Variants in STRIP2 observed in about 807,000 individuals in gnomAD.
STRIP2 encodes striatin interacting protein 2.
Under a neutral mutation model 107.1 loss-of-function variants are expected in STRIP2, and 84 were observed. The observed-to-expected ratio is 0.78, with a 90% CI of 0.66 to 0.94. The LOEUF is 0.94. Among genes scored for constraint, STRIP2 ranks in the 40% least tolerant of loss-of-function variants. STRIP2 has a pLI of 0.00. For synonymous variants in STRIP2, 394 were observed against 400.4 expected (o/e 0.98, Z 0.19); for missense variants, 888 against 1,034.2 (o/e 0.86, Z 1.94).
At chr7:129,480,073 A>G (rs1435859249) in intron 18 of STRIP2, among the ~76,000 whole-genome samples, 1 of 152,206 alleles carries the variant, frequency 6.6e-6, no homozygotes, top group Admixed American at 6.5e-5. Context: ...TCATTGAGTT[A>G]TATAGCTTCT....
Position 129,434,479 on chromosome 7 carries a change from G to C in STRIP2, c.7G>C (p.Asp3His). Residue 3 changes from aspartate to histidine, a missense_variant, in exon 1 of 21, where the codon GAC (aspartate) becomes CAC (histidine). By Grantham distance (81) the Asp-to-His change is moderately conservative. Transcript: ENST00000249344. ...GGAGCCGCTGACCAGCAGCATGGAGGACCCCGCCGCGCCTGGGACCGGGGG... is the reference window on the plus strand; with the variant it reads ...GGAGCCGCTGACCAGCAGCATGGAGCACCCCGCCGCGCCTGGGACCGGGGG... ME[D>H]PAAPGTGGPP... The C allele has an allele frequency of 6.6e-7, 1 of 1,513,430 alleles. No homozygotes were observed. Among genetic ancestry groups the C allele is most frequent in the Non-Finnish European group, 8.8e-7 (1 of 1,137,472 alleles). The allele number at this position is 1,513,430 out of a possible 1,614,324, so 93.8% of individuals were successfully genotyped here.
At chr7:129,445,492 C>T (rs1324754452) in intron 3 of STRIP2, among the ~76,000 whole-genome samples, 1 of 151,990 alleles carries the variant, frequency 6.6e-6, no homozygotes, top group Non-Finnish European at 1.5e-5. Flanking sequence ...GCTACTAGAT[C>T]ACTAGGGGTG....
At chr7:129,448,053 G>A (rs946117801) in intron 3 of STRIP2, among the ~76,000 whole-genome samples, 7 of 152,144 alleles carry the variant, frequency 4.6e-5, no homozygotes, top group Admixed American at 1.3e-4. Context: ...TCCCACCATA[G>A]TAACGCTCAC....
intron 19 of STRIP2, among the ~76,000 whole-genome samples, chr7:129,482,215 TA>T (rs1444794483): frequency 6.6e-6 from 1 of 151,464 alleles, no homozygotes; most frequent in East Asian, 1.9e-4. Context: ...CTCCAGAAAA[TA>T]AACAAAAATA....
At chr7:129,464,947 C>T in intron 16 of STRIP2, among the ~76,000 whole-genome samples, 1 of 151,930 alleles carries the variant, frequency 6.6e-6, no homozygotes, top group Non-Finnish European at 1.5e-5. Context: ...TGTCTGTGTC[C>T]CTTGTAAGTT....
intron 20 of STRIP2, among the ~76,000 whole-genome samples, chr7:129,485,015 T>C (rs1799210517): frequency 6.6e-6 from 1 of 152,174 alleles, no homozygotes; most frequent in Non-Finnish European, 1.5e-5. Context: ...AGCTGACATA[T>C]AGATTTATCA....
chr7:129,439,894 C>T, intron 1 of STRIP2, 128 bp from the exon 2 acceptor site: 1 of 735,180 alleles, frequency 1.4e-6, no homozygotes, highest in Non-Finnish European at 2.4e-6. Flanking sequence ...AAATAGGACT[C>T]TCCTAACTGT....
intron 18 of STRIP2, among the ~76,000 whole-genome samples, chr7:129,478,804 T>A (rs909197731): frequency 6.6e-6 from 1 of 152,188 alleles, no homozygotes; most frequent in Admixed American, 6.5e-5. Context: ...TATTCTGGTA[T>A]CTATTCCAAT....
At chr7:129,469,569 A>G (rs73477306) in intron 17 of STRIP2, among the ~76,000 whole-genome samples, 1,940 of 152,334 alleles carry the variant, frequency 0.013, 35 homozygotes, top group African/African-American at 0.043. Flanking sequence ...GGAGCAGTAC[A>G]GAACTGGCAA....
At chr7:129,481,997 A>G (rs938869493) in intron 19 of STRIP2, among the ~76,000 whole-genome samples, 8 of 151,682 alleles carry the variant, frequency 5.3e-5, no homozygotes, top group Non-Finnish European at 1.0e-4. Flanking sequence ...ATGAAACCCC[A>G]TCTCTACTAA....
chr7:129,456,642 G>C lies in STRIP2; in HGVS notation c.1038G>C (p.Arg346Ser). The C allele has an allele frequency of 6.2e-7, 1 of 1,613,320 alleles. No homozygotes were observed. The highest frequency in any genetic ancestry group is 8.5e-7 in the Non-Finnish European group (1 of 1,179,772). ...TGCGAGGCCGCCGTGGCTCTCGAAG[G>C]GTATGGACTGAAGCAGACAATGGTA... ...SKLRGRRGSR[R>S]QLLTKQDSLD... Residue 346 changes from arginine to serine, a missense_variant and splice_region_variant, in exon 9 of 21, where the codon AGG becomes AGC. Physicochemically the swap from Arg to Ser is moderately radical, Grantham distance 110 (BLOSUM62 -1). Transcript: ENST00000249344.
chr7:129,485,725 A>AG lies in STRIP2; in HGVS notation c.2403dup (p.Leu802ValfsTer5), dbSNP rs1424689980. On this transcript the variant is annotated frameshift_variant, in exon 21 of 21. Coordinates refer to ENST00000249344, the MANE Select transcript of STRIP2 (RefSeq NM_020704.3). LOFTEE classifies it high-confidence loss of function. ...CTGCTTGCAGAGCGTACTGGGGCAG[A>AG]GGTTGGATCTGCCTGAAGATTTCCA... 21 of 1,614,018 alleles carry AG rather than the reference A, an allele frequency of 1.3e-5. No homozygotes were observed. Among genetic ancestry groups the AG allele is most frequent in the Non-Finnish European group, 1.8e-5 (21 of 1,180,044 alleles).
intron 4 of STRIP2, 28 bp from the exon 5 acceptor site, chr7:129,453,199 C>A (rs1481588489): frequency 3.7e-6 from 6 of 1,613,560 alleles, no homozygotes; most frequent in Non-Finnish European, 5.1e-6. Flanking sequence ...CACCCCTCAA[C>A]CCCTGTAACA....
At chr7:129,445,225 T>A (rs1213563707) in intron 3 of STRIP2, among the ~76,000 whole-genome samples, 1 of 152,164 alleles carries the variant, frequency 6.6e-6, no homozygotes, top group Admixed American at 6.5e-5. Flanking sequence ...CCATGCATAC[T>A]CTTCCTTACC....
chr7:129,476,929 T>G (rs1798971487), intron 18 of STRIP2, among the ~76,000 whole-genome samples: 1 of 151,312 alleles, frequency 6.6e-6, no homozygotes, highest in South Asian at 2.1e-4. Flanking sequence ...TCCCGGCACC[T>G]CGGGAGACCG....
At chr7:129,456,881 T>A (rs1228033645) in intron 9 of STRIP2, among the ~76,000 whole-genome samples, 1 of 152,166 alleles carries the variant, frequency 6.6e-6, no homozygotes, top group East Asian at 1.9e-4. Flanking sequence ...AGCCATGTCT[T>A]GCTACAGAAT....
chr7:129,483,040 G>C lies in STRIP2; in HGVS notation c.2248G>C (p.Gly750Arg), dbSNP rs776184667. ...CCGCATGAACGATGACTGGGCTTAC[G>C]GGAATGGTGAGTCTTCCCAAAGCTC... is the stretch of plus-strand genomic sequence containing the variant. ...RHRMNDDWAYGNDIDARPWDF... is the reference protein window; with the variant it reads ...RHRMNDDWAYRNDIDARPWDF... Residue 750 changes from glycine (G) to arginine (R), a missense_variant, in exon 20 of 21, where the codon GGG (glycine) becomes CGG (arginine). By Grantham distance (125) the Gly-to-Arg change is moderately radical (BLOSUM62 -2). Coordinates refer to ENST00000249344, the MANE Select transcript of STRIP2 (RefSeq NM_020704.3). This position sits in a 1 kb window ranked among gnomAD's most constrained non-coding sequence, Gnocchi z 5.1. 4 of 1,614,102 alleles carry C rather than the reference G, an allele frequency of 2.5e-6. No homozygotes were observed. Among genetic ancestry groups the C allele is most frequent in the South Asian group, 2.2e-5 (2 of 91,070 alleles).
chr7:129,455,252 A>G lies in STRIP2; in HGVS notation c.715A>G (p.Met239Val), dbSNP rs199882915. 8 of 1,613,140 alleles carry G rather than the reference A, an allele frequency of 5.0e-6. No homozygotes were observed. The highest frequency in any genetic ancestry group is 4.5e-5 in the East Asian group (2 of 44,776). The change falls in exon 8 of 21, where the codon ATG becomes GTG. Residue 239 changes from methionine to valine, a missense_variant. Coordinates refer to ENST00000249344, the MANE Select transcript of STRIP2 (RefSeq NM_020704.3). ...TCTCTCCTCACCCCTAGGCTTCTCC[A>G]TGCATAATGAGGAGCCTTTTGCCCT... ...ETFRTELSFS[M>V]HNEEPFALLL...
At chr7:129,462,942 C>G (rs1320386667) in intron 13 of STRIP2, 24 bp from the exon 14 acceptor site, 1 of 1,609,416 alleles carries the variant, frequency 6.2e-7, no homozygotes, top group Admixed American at 1.7e-5. Context: ...GTGGCATTGC[C>G]AAACCATGTA....
Sources: gnomAD v4.1 joint callset for allele counts (sites outside exome capture counted in the v4.1 genomes callset) on GRCh38, gnomAD v4.1.1 for gene constraint, Gnocchi (gnomAD v3.1) non-coding constraint, MANE v1.5 for transcripts, NCBI Gene and HGNC (gene_info 2026-07-23, HGNC 2026-07-21) for gene names.